The following PCDHGB4 variants were observed in gnomAD, a reference collection of about 807,000 sequenced individuals.
PCDHGB4 encodes protocadherin gamma subfamily B, 4.
PCDHGB4 carries 38 observed loss-of-function variants against 60.5 expected under a neutral mutation model. The observed-to-expected ratio is 0.63, with a 90% CI of 0.48 to 0.82. PCDHGB4 has a LOEUF of 0.82. Among genes scored for constraint, PCDHGB4 ranks in the 40% least tolerant of loss-of-function variants. The probability of loss-of-function intolerance (pLI) is 0.00; values close to 1 mark genes in which losing one functional copy is unlikely to be tolerated. For synonymous variants in PCDHGB4, 456 were observed against 509.7 expected, an observed-to-expected ratio of 0.89 and a Z score of 1.42; for missense variants, 1,109 against 1,209.6, an observed-to-expected ratio of 0.92 and a Z score of 1.23.
At position 141,433,110 on chromosome 5, in the gene PCDHGB4, G is replaced by A. The variant is rs1031253372; in HGVS notation, c.2397+42829G>A. On this transcript the variant is annotated intron_variant, in intron 1 of 3. Coordinates refer to ENST00000519479, the MANE Select transcript of PCDHGB4 (RefSeq NM_003736.4). Reference sequence around the variant, plus strand: ...GCAGACATGCTCGTCAGCCAGGAGAGCTTTGAAAAAAGCGAGCCCCTTTTG... The same window carrying A: ...GCAGACATGCTCGTCAGCCAGGAGAACTTTGAAAAAAGCGAGCCCCTTTTG... 3.1e-6 allele frequency: 5 copies of A among 1,613,982 alleles called. No homozygotes were observed. The African/African-American group carries it at 5.3e-5, about 17-fold the overall frequency.
At chr5:141,410,258 G>C in intron 1 of PCDHGB4, 1 of 1,614,022 alleles carries the variant, frequency 6.2e-7, no homozygotes, top group Non-Finnish European at 8.5e-7. Context: ...TGACCCCCAG[G>C]CTGAACTGCA....
intron 1 of PCDHGB4, chr5:141,408,708 A>G (rs773303576): frequency 6.2e-6 from 10 of 1,612,888 alleles, no homozygotes; most frequent in Non-Finnish European, 8.5e-6. Flanking sequence ...TCAATTAAAG[A>G]TTATAAGATA....
At chr5:141,421,913 T>C in intron 1 of PCDHGB4, 1 of 1,613,710 alleles carries the variant, frequency 6.2e-7, no homozygotes, top group Non-Finnish European at 8.5e-7. Context: ...GCAGTTCCCA[T>C]TCGTGTGGTG....
chr5:141,474,170 T>G (rs535586079), intron 1 of PCDHGB4, among the ~76,000 whole-genome samples: 1 of 152,346 alleles, frequency 6.6e-6, no homozygotes, highest in South Asian at 2.1e-4. Flanking sequence ...GCCTTATTAT[T>G]GAGAAAACTA....
intron 2 of PCDHGB4, among the ~76,000 whole-genome samples, chr5:141,500,985 C>T (rs2099804537): frequency 6.6e-6 from 1 of 152,048 alleles, no homozygotes; most frequent in Non-Finnish European, 1.5e-5. Flanking sequence ...TCTCCTGCCT[C>T]AGCCTCCTGA....
Position 141,409,216 on chromosome 5 carries a change from T to G in PCDHGB4, c.2397+18935T>G, listed in dbSNP as rs368791778. 9.9e-6 allele frequency: 16 copies of G among 1,613,886 alleles called. No individual in the cohort carries two copies. The African/African-American group carries it at 1.1e-4, about 11-fold the overall frequency. ...AGTGTAAAGTAATCATAGAAATCCT[T>G]GATGAAAACGACAACAGCCCAGAAA... is the stretch of plus-strand genomic sequence containing the variant. On this transcript the variant is annotated intron_variant, in intron 1 of 3. Coordinates refer to ENST00000519479, the MANE Select transcript of PCDHGB4 (RefSeq NM_003736.4).
rs564582881 is a variant in PCDHGB4, at chr5:141,432,735, C to T, written c.2397+42454C>T. ...CAGCCCCCTCTCTCCGCCACTGTCA[C>T]GCTCACCGTGGCCGTGGCCGACAGC... On this transcript the variant is annotated intron_variant, in intron 1 of 3. Coordinates refer to ENST00000519479, the MANE Select transcript of PCDHGB4 (RefSeq NM_003736.4). This position sits in a 1 kb window ranked among gnomAD's most constrained non-coding sequence, Gnocchi z 6.0. 2 of 1,614,094 alleles carry T rather than the reference C, an allele frequency of 1.2e-6. No individual in the cohort carries two copies. The highest frequency in any genetic ancestry group is 1.1e-5 in the South Asian group (1 of 91,086).
intron 1 of PCDHGB4, chr5:141,423,261 C>T (rs1181343306): frequency 6.2e-7 from 1 of 1,613,870 alleles, no homozygotes; most frequent in Non-Finnish European, 8.5e-7. Flanking sequence ...ACCTCGGCAG[C>T]CTCGAGTCTC....
At chr5:141,484,989 T>C (rs1295192640) in intron 1 of PCDHGB4, 4 of 604,024 alleles carry the variant, frequency 6.6e-6, no homozygotes, top group Non-Finnish European at 1.2e-5. Context: ...AATCGGGTGG[T>C]GAAAGGCAGA....
chr5:141,409,639 G>A, intron 1 of PCDHGB4: 1 of 1,613,760 alleles, frequency 6.2e-7, no homozygotes, highest in Non-Finnish European at 8.5e-7. Flanking sequence ...CCTCTGACCC[G>A]GATTTGGGGC....
intron 1 of PCDHGB4, among the ~76,000 whole-genome samples, chr5:141,437,923 A>G (rs893873818): frequency 2.0e-5 from 3 of 152,110 alleles, no homozygotes; most frequent in African/African-American, 7.2e-5. Context: ...TTTTTAGTAG[A>G]GATGGGGTTT....
At chr5:141,419,302 C>T in intron 1 of PCDHGB4, 1 of 1,614,024 alleles carries the variant, frequency 6.2e-7, no homozygotes, top group East Asian at 2.2e-5. Context: ...ACCCAGACTT[C>T]GGGCTCAACG....
At chr5:141,451,762 T>C (rs2154563695) in intron 1 of PCDHGB4, among the ~76,000 whole-genome samples, 1 of 152,100 alleles carries the variant, frequency 6.6e-6, no homozygotes, top group African/African-American at 2.4e-5. Flanking sequence ...ATGCCTATAG[T>C]CCCAGCTACT....
intron 1 of PCDHGB4, chr5:141,415,739 G>GTTTTT (rs1561759437): frequency 2.3e-6 from 1 of 434,538 alleles, no homozygotes; most frequent in African/African-American, 3.3e-5. Flanking sequence ...TGTTTATTAA[G>GTTTTT]GTTTTTTTTT....
chr5:141,496,876 A>G (rs964149656), intron 2 of PCDHGB4, among the ~76,000 whole-genome samples: 1 of 149,154 alleles, frequency 6.7e-6, no homozygotes, highest in African/African-American at 2.5e-5. Flanking sequence ...AAAATTTGCA[A>G]CAAGTAACAC....
chr5:141,432,622 G>A lies in PCDHGB4; in HGVS notation c.2397+42341G>A. 6.2e-7 allele frequency: 1 copy of A among 1,612,776 alleles called. No individual in the cohort carries two copies. The stretch of plus-strand genomic sequence containing the variant: ...AGCCGGGACTCTTCTCGGTGGGTCT[G>A]CACACGGGCGAGGTGCGCACGGCGC... On this transcript the variant is annotated intron_variant, in intron 1 of 3. Transcript: ENST00000519479. This position sits in a 1 kb window ranked among gnomAD's most constrained non-coding sequence, Gnocchi z 6.0.
chr5:141,456,229 C>G (rs191169523), intron 1 of PCDHGB4, among the ~76,000 whole-genome samples: 9 of 152,234 alleles, frequency 5.9e-5, no homozygotes, highest in African/African-American at 1.7e-4. Context: ...ATCAAACTAA[C>G]TGCTGTTAGG....
chr5:141,431,020 G>A lies in PCDHGB4; in HGVS notation c.2397+40739G>A, dbSNP rs941765907. On this transcript the variant is annotated intron_variant, in intron 1 of 3. Transcript: ENST00000519479. This position sits in a 1 kb window ranked among gnomAD's most constrained non-coding sequence, Gnocchi z 4.8. ...CGCGCAGCGGCAGCTTGGTCACGGC[G>A]GGCAGGATAGACCGGGAGGAGCTCT... The A allele has an allele frequency of 9.9e-6, 16 of 1,614,050 alleles. No homozygotes were observed. Among genetic ancestry groups the A allele is most frequent in the East Asian group, 4.5e-5 (2 of 44,886 alleles).
At position 141,476,124 on chromosome 5, in the gene PCDHGB4, C is replaced by T. The variant is rs1187643558; in HGVS notation, c.2398-18683C>T. 4 of 1,603,236 alleles carry T rather than the reference C, an allele frequency of 2.5e-6. No homozygotes were observed. Among genetic ancestry groups the T allele is most frequent in the Non-Finnish European group, 3.4e-6 (4 of 1,176,388 alleles). ...GAACTGCTTTTGAGTGAGATGGTCCCAGAGGCCTGGAGGAGCGGACTGGTA... is the reference window on the plus strand; with the variant it reads ...GAACTGCTTTTGAGTGAGATGGTCCTAGAGGCCTGGAGGAGCGGACTGGTA... On this transcript the variant is annotated intron_variant, in intron 1 of 3. Transcript: ENST00000519479. This position sits in a 1 kb window ranked among gnomAD's most constrained non-coding sequence, Gnocchi z 7.6.
Sources: gnomAD v4.1 joint callset for allele counts (sites outside exome capture counted in the v4.1 genomes callset) on GRCh38, gnomAD v4.1.1 for gene constraint, Gnocchi (gnomAD v3.1) non-coding constraint, MANE v1.5 for transcripts, NCBI Gene and HGNC (gene_info 2026-07-23, HGNC 2026-07-21) for gene names.